The following OSGIN1 variants were observed in gnomAD, a reference collection of about 807,000 sequenced individuals.
The protein encoded by OSGIN1 is oxidative stress induced growth inhibitor 1.
In OSGIN1, 19 loss-of-function variants were observed where a neutral mutation model predicts 20.1. The ratio of observed to expected loss-of-function variants is 0.95; its 90% confidence interval spans 0.66 to 1.39. The LOEUF (loss-of-function observed/expected upper bound fraction) is 1.39. Among genes scored for constraint, OSGIN1 ranks in the 40% most tolerant of loss-of-function variants. The probability of loss-of-function intolerance (pLI) is 0.00; values close to 1 mark genes in which losing one functional copy is unlikely to be tolerated. For synonymous variants in OSGIN1, 368 were observed against 297.8 expected (o/e 1.24, Z -2.43); for missense variants, 820 against 653.0 (o/e 1.26, Z -2.79).
intron 5 of OSGIN1, among the ~76,000 whole-genome samples, chr16:83,963,004 C>G (rs985562313): frequency 6.6e-6 from 1 of 152,164 alleles, no homozygotes; most frequent in Non-Finnish European, 1.5e-5. Context: ...TGGGGTGCAT[C>G]CACTCAATGA....
In OSGIN1 at chr16:83,961,086, G is replaced by A. The variant is rs373351317; in HGVS notation, c.488+14G>A. On this transcript the variant is annotated intron_variant, in intron 5 of 5. Coordinates refer to ENST00000393306, the MANE Select transcript of OSGIN1 (RefSeq NM_182981.3). Reference sequence around the variant, plus strand: ...GAAGAAGCGAAGGTGAGGCCGCCCCGGAACGCCTTGGGGGACACGGAAGGT... The same window carrying A: ...GAAGAAGCGAAGGTGAGGCCGCCCCAGAACGCCTTGGGGGACACGGAAGGT... 2.2e-5 allele frequency: 36 copies of A among 1,603,026 alleles called. No homozygotes were observed. Among genetic ancestry groups the A allele is most frequent in the Admixed American group, 3.3e-5 (2 of 59,978 alleles).
Position 83,960,768 on chromosome 16 carries a change from G to C in OSGIN1, c.396+8G>C, listed in dbSNP as rs1909173081. The C allele has an allele frequency of 6.2e-7, 1 of 1,611,954 alleles. No individual in the cohort carries two copies. Among genetic ancestry groups the C allele is most frequent in the Non-Finnish European group, 8.5e-7 (1 of 1,179,404 alleles). On this transcript the variant is annotated splice_region_variant and intron_variant, in intron 4 of 5. Transcript: ENST00000393306. ...CCCGGGGGAGCCTGGCACGTGAGTG[G>C]GGCAGCGAGGGCATGGCTTGTGGGG... is the stretch of plus-strand genomic sequence containing the variant.
In OSGIN1 at chr16:83,955,150, G is replaced by A. The variant is rs1908865602; in HGVS notation, c.-33+1780G>A. ...GGAGGTCCCATGCTCCCCAGTGGCT[G>A]CTGTTCCCGGGGACCATGATGAGGA... On this transcript the variant is annotated intron_variant, in intron 1 of 5. Coordinates refer to ENST00000393306, the MANE Select transcript of OSGIN1 (RefSeq NM_182981.3). Among the ~76,000 whole-genome samples, 3 of 152,202 alleles carry A rather than the reference G, an allele frequency of 2.0e-5. No homozygotes were observed. In the South Asian group the frequency reaches 6.2e-4, roughly 32 times the overall value.
At chr16:83,957,015 C>G (rs1908962504) in intron 1 of OSGIN1, 1 of 152,406 alleles carries the variant, frequency 6.6e-6, no homozygotes, top group Admixed American at 6.5e-5. Flanking sequence ...AAGTCCATCC[C>G]AGCTCCTGGG....
In OSGIN1 at chr16:83,957,379, G is replaced by C. The variant is rs949987057; in HGVS notation, c.-32-261G>C. 4.6e-5 allele frequency among the ~76,000 whole-genome samples: 7 copies of C among 152,272 alleles called. No individual in the cohort carries two copies. The Middle Eastern group carries it at 0.01, about 222-fold the overall frequency. On this transcript the variant is annotated intron_variant, in intron 1 of 5. Transcript: ENST00000393306. ...ATGGGAGAGTAGAGTGAGGCTCGGAGGGACAGTGGCTGCCTGGGGCAACCA... is the reference window on the plus strand; with the variant it reads ...ATGGGAGAGTAGAGTGAGGCTCGGACGGACAGTGGCTGCCTGGGGCAACCA...
intron 1 of OSGIN1, among the ~76,000 whole-genome samples, chr16:83,955,697 G>C (rs1908893465): frequency 6.6e-6 from 1 of 152,182 alleles, no homozygotes; most frequent in Non-Finnish European, 1.5e-5. Flanking sequence ...TGTTGTTCTT[G>C]TAACTACTAC....
intron 2 of OSGIN1, among the ~76,000 whole-genome samples, chr16:83,958,617 G>A (rs1049840095): frequency 2.0e-5 from 3 of 152,250 alleles, no homozygotes; most frequent in African/African-American, 7.2e-5. Context: ...GAGATAAGAA[G>A]AGGGGAAAGG....
intron 3 of OSGIN1, among the ~76,000 whole-genome samples, chr16:83,960,247 C>T (rs1280482643): frequency 8.5e-5 from 13 of 152,124 alleles, no homozygotes; most frequent in African/African-American, 2.2e-4. Flanking sequence ...TTAATATGCC[C>T]GTCTGTGTTA....
Position 83,965,255 on chromosome 16 carries a change from A to T in OSGIN1, c.682A>T (p.Arg228Trp), listed in dbSNP as rs775460960. 1 of 1,611,248 alleles carries T rather than the reference A, an allele frequency of 6.2e-7. No individual in the cohort carries two copies. The change falls in exon 6 of 6, where the codon AGG (arginine) becomes TGG (tryptophan). Residue 228 changes from arginine to tryptophan, a missense_variant. Transcript: ENST00000393306. ...PLFQVSGFLTRNQAQQPFSLW... is the reference protein window; with the variant it reads ...PLFQVSGFLTWNQAQQPFSLW... ...CTTCCAGGTGAGCGGCTTCCTGACC[A>T]GGAACCAGGCCCAGCAGCCCTTCTC... is the stretch of plus-strand genomic sequence containing the variant.
In OSGIN1 at chr16:83,961,073, G is replaced by A; in HGVS notation, c.488+1G>A. 1.2e-6 allele frequency: 2 copies of A among 1,612,702 alleles called. No individual in the cohort carries two copies. Among genetic ancestry groups the A allele is most frequent in the Non-Finnish European group, 1.7e-6 (2 of 1,179,328 alleles). ...AGGACTGGATGCAGAAGAAGCGAAG[G>A]TGAGGCCGCCCCGGAACGCCTTGGG... On this transcript the variant is annotated splice_donor_variant, in intron 5 of 5. Transcript: ENST00000393306. LOFTEE classifies it high-confidence loss of function.
intron 5 of OSGIN1, among the ~76,000 whole-genome samples, chr16:83,963,210 C>T (rs1429179137): frequency 4.6e-5 from 7 of 152,226 alleles, no homozygotes; most frequent in Non-Finnish European, 1.0e-4. Flanking sequence ...TGTGTAGCTA[C>T]ATGTTAGTAG....
At chr16:83,954,679 C>T (rs28712100) in intron 1 of OSGIN1, 64,101 of 815,456 alleles carry the variant, frequency 0.079, 6,475 homozygotes, top group African/African-American at 0.43. Flanking sequence ...ATGTATGTGG[C>T]ATCCAGAAGC....
rs189021106 is a variant in OSGIN1, at chr16:83,963,876, A to G, written c.489-1186A>G. ...TCAACCGCCACAAGAATGGGCCTGC[A>G]GTCACTGCCCCTGGAAAGAGTGACA... On this transcript the variant is annotated intron_variant, in intron 5 of 5. Coordinates refer to ENST00000393306, the MANE Select transcript of OSGIN1 (RefSeq NM_182981.3). 3.4e-5 allele frequency among the ~76,000 whole-genome samples: 5 copies of G among 148,886 alleles called. No homozygotes were observed. In the East Asian group the frequency reaches 9.6e-4, roughly 29 times the overall value.
chr16:83,958,863 C>T (rs1199905105), intron 2 of OSGIN1, among the ~76,000 whole-genome samples: 4 of 152,198 alleles, frequency 2.6e-5, no homozygotes, highest in South Asian at 2.1e-4. Flanking sequence ...ATCTCAGTCG[C>T]GTCGTCAGAT....
In OSGIN1 at chr16:83,965,593, G is replaced by A. The variant is rs1274829511; in HGVS notation, c.1020G>A (p.Val340=). 1.2e-6 allele frequency: 2 copies of A among 1,613,068 alleles called. No individual in the cohort carries two copies. The highest frequency in any genetic ancestry group is 1.7e-6 in the Non-Finnish European group (2 of 1,180,022). The change falls in exon 6 of 6, where the codon GTG becomes GTA. Residue 340 remains valine (V), a synonymous_variant. Coordinates refer to ENST00000393306, the MANE Select transcript of OSGIN1 (RefSeq NM_182981.3). ...TGCTGTACCCCGAGTACCACAAGGT[G>A]CACCAGATGATGCGGGAGCAGTCCA... ...PKMLYPEYHK[V]HQMMREQSIL...
intron 3 of OSGIN1, among the ~76,000 whole-genome samples, chr16:83,960,000 A>C (rs1413399436): frequency 6.6e-6 from 1 of 151,724 alleles, no homozygotes; most frequent in East Asian, 1.9e-4. Context: ...CCCCTTGTCG[A>C]CCTCCCTCGT....
intron 1 of OSGIN1, among the ~76,000 whole-genome samples, chr16:83,956,006 C>T (rs538932818): frequency 1.4e-3 from 209 of 152,328 alleles, no homozygotes; most frequent in African/African-American, 4.6e-3. Flanking sequence ...CCGCTAGGCA[C>T]ATCCTCACCC....
chr16:83,958,294 G>C (rs753353301), intron 2 of OSGIN1, among the ~76,000 whole-genome samples: 1 of 152,202 alleles, frequency 6.6e-6, no homozygotes, highest in African/African-American at 2.4e-5. Context: ...CGAGAACCCA[G>C]GGGTCTAGAA....
At chr16:83,959,442 T>G (rs2151076616) in intron 3 of OSGIN1, 46 bp downstream of exon 3, 1 of 1,536,812 alleles carries the variant, frequency 6.5e-7, no homozygotes, top group East Asian at 2.3e-5. Context: ...ATACCCGCCC[T>G]TGGAAAACTA....
Sources: allele counts gnomAD v4.1 joint callset (sites outside exome capture counted in the v4.1 genomes callset), GRCh38; gene constraint gnomAD v4.1.1; transcripts MANE v1.5; gene names NCBI Gene and HGNC (gene_info 2026-07-23, HGNC 2026-07-21).